Variants in INPP5D observed in about 807,000 individuals in gnomAD.
INPP5D encodes phosphatidylinositol 3,4,5-trisphosphate 5-phosphatase 1.
A neutral mutation model predicts 122.9 loss-of-function variants in INPP5D; 33 were observed. That is an observed-to-expected ratio of 0.27 (90% CI 0.20 to 0.36). The LOEUF is 0.36. INPP5D is among the 10% of genes least tolerant of loss of function. The pLI, the probability that INPP5D is intolerant of heterozygous loss-of-function variation, is 1.00. For synonymous variants in INPP5D, 584 were observed against 576.2 expected (o/e 1.01, Z -0.19); for missense variants, 1,053 against 1,412.7 (o/e 0.75, Z 4.08).
intron 6 of INPP5D, among the ~76,000 whole-genome samples, chr2:233,141,927 C>T (rs1009259044): frequency 1.4e-4 from 21 of 152,018 alleles, no homozygotes; most frequent in African/African-American, 4.6e-4. Flanking sequence ...GTGCAACTTT[C>T]AAAATTCAGA....
intron 9 of INPP5D, among the ~76,000 whole-genome samples, chr2:233,152,473 G>A (rs1220852902): frequency 6.6e-6 from 1 of 152,158 alleles, no homozygotes; most frequent in African/African-American, 2.4e-5. Flanking sequence ...TAGCTTTCAG[G>A]AAAGTTTCAT....
chr2:233,182,758 A>G (rs2106313932), intron 19 of INPP5D, among the ~76,000 whole-genome samples: 1 of 152,250 alleles, frequency 6.6e-6, no homozygotes, highest in East Asian at 1.9e-4. Context: ...AGTGTTTACC[A>G]AGGTGTGGCC....
chr2:233,079,275 A>G, intron 1 of INPP5D, 60 bp from the exon 2 acceptor site: 2 of 1,046,738 alleles, frequency 1.9e-6, no homozygotes, highest in Non-Finnish European at 1.5e-6. Flanking sequence ...TTGTCTTTTC[A>G]GTTAAGAGGA....
intron 1 of INPP5D, among the ~76,000 whole-genome samples, chr2:233,076,966 T>C (rs921472446): frequency 4.6e-5 from 7 of 152,342 alleles, no homozygotes; most frequent in African/African-American, 1.4e-4. Flanking sequence ...TGGTAGTCTC[T>C]ATCAAAATAG....
chr2:233,170,149 G>T lies in INPP5D; in HGVS notation c.1776G>T (p.Val592=). 6.2e-7 allele frequency: 1 copy of T among 1,612,450 alleles called. No homozygotes were observed. The highest frequency in any genetic ancestry group is 8.5e-7 in the Non-Finnish European group (1 of 1,179,346). ...LFWFGDLNYR[V]DLPTWEAETI... ...GGTTTGGGGATCTTAACTACCGTGTGGATCTGCCTACCTGGGTAAGGGCTG... is the reference window on the plus strand; with the variant it reads ...GGTTTGGGGATCTTAACTACCGTGTTGATCTGCCTACCTGGGTAAGGGCTG... Residue 592 remains valine (V), a synonymous_variant, in exon 15 of 27, where the codon GTG becomes GTT. Transcript: ENST00000445964. The surrounding 1 kb of genome is among the most constrained non-coding windows in gnomAD (Gnocchi z 4.5).
intron 2 of INPP5D, among the ~76,000 whole-genome samples, chr2:233,096,009 G>C (rs759853702): frequency 6.6e-6 from 1 of 152,170 alleles, no homozygotes; most frequent in Non-Finnish European, 1.5e-5. Flanking sequence ...CATCTTTTGT[G>C]CTTTTTAACA....
At chr2:233,070,709 G>A (rs932307618) in intron 1 of INPP5D, among the ~76,000 whole-genome samples, 25 of 152,042 alleles carry the variant, frequency 1.6e-4, no homozygotes, top group Non-Finnish European at 4.4e-5. Context: ...CCAAAGTGCT[G>A]GGATTACAGG....
At chr2:233,132,822 CT>C (rs1693365064) in intron 5 of INPP5D, among the ~76,000 whole-genome samples, 1 of 151,702 alleles carries the variant, frequency 6.6e-6, no homozygotes, top group Non-Finnish European at 1.5e-5. Flanking sequence ...TCTTTTAGGC[CT>C]TTTTGGATCT....
intron 5 of INPP5D, chr2:233,133,911 G>A (rs145416068): frequency 1.1e-5 from 5 of 453,690 alleles, no homozygotes; most frequent in East Asian, 7.0e-5. Flanking sequence ...CTGAGTCCCC[G>A]GTTATACACA....
chr2:233,076,772 T>C (rs921787415), intron 1 of INPP5D, among the ~76,000 whole-genome samples: 2 of 152,230 alleles, frequency 1.3e-5, no homozygotes, highest in African/African-American at 4.8e-5. Context: ...GGGAACATGC[T>C]GAAGGACTTT....
At chr2:233,159,532 T>C (rs1694144419) in intron 10 of INPP5D, among the ~76,000 whole-genome samples, 1 of 100,038 alleles carries the variant, frequency 1.0e-5, no homozygotes, top group Non-Finnish European at 2.6e-5. Flanking sequence ...ACCTCATCTC[T>C]ACGAAAAAAA....
intron 17 of INPP5D, among the ~76,000 whole-genome samples, chr2:233,171,705 A>G (rs900490051): frequency 6.6e-6 from 1 of 152,258 alleles, no homozygotes; most frequent in Non-Finnish European, 1.5e-5. Flanking sequence ...CTGATGGCCT[A>G]TTATGGGTTA....
At position 233,130,655 on chromosome 2, in the gene INPP5D, G is replaced by A. The variant is rs377389184; in HGVS notation, c.665+7G>A. On this transcript the variant is annotated splice_region_variant and intron_variant, in intron 5 of 26. Transcript: ENST00000445964. ...TCTGCAAGGAGCTCTATGGGTAATG[G>A]CTGGCCCACGGGGGCGGGCAGGTGG... 5.6e-6 allele frequency: 9 copies of A among 1,613,702 alleles called. No individual in the cohort carries two copies. The highest frequency in any genetic ancestry group is 2.7e-5 in the African/African-American group (2 of 74,928).
chr2:233,079,018 G>A (rs1300794898), intron 1 of INPP5D, among the ~76,000 whole-genome samples: 1 of 152,080 alleles, frequency 6.6e-6, no homozygotes, highest in Non-Finnish European at 1.5e-5. Flanking sequence ...CTTGGCAGCC[G>A]AGAGGTTAAG....
At chr2:233,159,839 T>C (rs1044002060) in intron 10 of INPP5D, among the ~76,000 whole-genome samples, 1 of 151,798 alleles carries the variant, frequency 6.6e-6, no homozygotes, top group Non-Finnish European at 1.5e-5. Flanking sequence ...TCCCACTGAG[T>C]GCCCAGTCTC....
chr2:233,089,809 G>A (rs553589064), intron 2 of INPP5D, among the ~76,000 whole-genome samples: 1 of 152,212 alleles, frequency 6.6e-6, no homozygotes, highest in African/African-American at 2.4e-5. Context: ...CCAATGACAA[G>A]CAATTTTCAA....
rs199996082 is a variant in INPP5D, at chr2:233,165,202, T to C, written c.1555+778T>C. ...GTTTATGGATGTGTGTTTGTGAGCA[T>C]GTTTATGTGAGTCAATGTGTGAGCG... On this transcript the variant is annotated intron_variant, in intron 13 of 26. Transcript: ENST00000445964. Among the ~76,000 whole-genome samples the C allele has an allele frequency of 2.0e-4, 31 of 152,300 alleles. No individual in the cohort carries two copies. In the East Asian group the frequency reaches 4.8e-3, roughly 24 times the overall value.
intron 23 of INPP5D, 122 bp from the exon 24 acceptor site, chr2:233,195,277 T>C: frequency 6.8e-7 from 1 of 1,470,058 alleles, no homozygotes; most frequent in Non-Finnish European, 9.3e-7. Context: ...TTAACTCACC[T>C]CTCCAGGTAC....
chr2:233,096,069 T>C (rs1031916392), intron 2 of INPP5D, among the ~76,000 whole-genome samples: 1 of 152,228 alleles, frequency 6.6e-6, no homozygotes, highest in African/African-American at 2.4e-5. Flanking sequence ...TTTGTTGTTC[T>C]CACTACAAAA....
Sources: gnomAD v4.1 joint callset for allele counts (sites outside exome capture counted in the v4.1 genomes callset) on GRCh38, gnomAD v4.1.1 for gene constraint, Gnocchi (gnomAD v3.1) non-coding constraint, MANE v1.5 for transcripts, NCBI Gene and HGNC (gene_info 2026-07-23, HGNC 2026-07-21) for gene names.